The following SIRT4 variants were observed in gnomAD, a reference collection of about 807,000 sequenced individuals.
SIRT4 encodes NAD-dependent protein lipoamidase sirtuin-4, mitochondrial.
A neutral mutation model predicts 26.1 loss-of-function variants in SIRT4; 23 were observed. That is an observed-to-expected ratio of 0.88 (90% confidence interval 0.63 to 1.25). SIRT4 has a LOEUF of 1.25. Among genes scored for constraint, SIRT4 ranks in the 50% most tolerant of loss-of-function variants. The pLI, the probability that SIRT4 is intolerant of heterozygous loss-of-function variation, is 0.00. For missense variants in SIRT4, 361 were observed against 405.4 expected (o/e 0.89, Z 0.94); for synonymous variants, 155 against 158.4 (o/e 0.98, Z 0.16).
At chr12:120,292,682 T>C in the SIRT4 span, among the ~76,000 whole-genome samples, 2 of 146,242 alleles carry the variant, frequency 1.4e-5, no homozygotes, top group African/African-American at 2.6e-5. Context: ...ACCTTAAAAG[T>C]AGAGATCACA....
At chr12:120,291,929 C>G in the SIRT4 span, 2 of 152,132 alleles carry the variant, frequency 1.3e-5, no homozygotes, top group African/African-American at 2.4e-5. Context: ...GCGCCCCGCT[C>G]CCCCACGGAT....
At chr12:120,296,691 G>A in the SIRT4 span, among the ~76,000 whole-genome samples, 5 of 151,194 alleles carry the variant, frequency 3.3e-5, no homozygotes, top group Admixed American at 6.6e-5. Flanking sequence ...TGTATTTTTT[G>A]TAGATACAGG....
At position 120,312,626 on chromosome 12, in the gene SIRT4, G is replaced by A. The variant is rs1873031655; in HGVS notation, c.668G>A (p.Cys223Tyr). ...TTTCAGGTCCCAACCTGCGTTCAAT[G>A]TGGAGGCCATCTGAAACCAGATGTC... The part of the protein sequence containing the change: ...RSFQVPTCVQ[C>Y]GGHLKPDVVF... The change falls in exon 3 of 4, where the codon TGT becomes TAT. Residue 223 changes from cysteine (C) to tyrosine (Y), a missense_variant. Physicochemically the swap from Cys to Tyr is radical, Grantham distance 194. Coordinates refer to ENST00000202967, the MANE Select transcript of SIRT4 (RefSeq NM_012240.3). 8 of 1,614,176 alleles carry A rather than the reference G, an allele frequency of 5.0e-6. No individual in the cohort carries two copies. The highest frequency in any genetic ancestry group is 6.8e-6 in the Non-Finnish European group (8 of 1,180,038).
At chr12:120,304,596 G>A (rs1392498134) in intron 2 of SIRT4, among the ~76,000 whole-genome samples, 1 of 150,576 alleles carries the variant, frequency 6.6e-6, no homozygotes, top group Admixed American at 6.7e-5. Context: ...GCAGTGAGCC[G>A]AGATTGCACC....
chr12:120,302,724 T>C (rs1046005251), intron 1 of SIRT4, among the ~76,000 whole-genome samples: 2 of 150,512 alleles, frequency 1.3e-5, no homozygotes, highest in South Asian at 2.1e-4. Context: ...CTTTTTCTTT[T>C]TTTTTTTTTT....
intron 2 of SIRT4, among the ~76,000 whole-genome samples, chr12:120,310,355 G>C (rs1384969078): frequency 6.6e-6 from 1 of 151,994 alleles, no homozygotes; most frequent in South Asian, 2.1e-4. Flanking sequence ...GACAGAGCAA[G>C]ACCCCGTCTC....
chr12:120,303,748 G>A lies in SIRT4; in HGVS notation c.187G>A (p.Ala63Thr). 1 of 1,614,154 alleles carries A rather than the reference G, an allele frequency of 6.2e-7. No individual in the cohort carries two copies. The highest frequency in any genetic ancestry group is 1.6e-4 in the Middle Eastern group (1 of 6,062). Reference protein sequence around the residue: ...LSKRLLVMTGAGISTESGIPD... With the variant: ...LSKRLLVMTGTGISTESGIPD... Reference sequence around the variant, plus strand: ...CAAGAGACTCCTTGTGATGACTGGGGCAGGAATCTCCACCGAATCGGGGAT... The same window carrying A: ...CAAGAGACTCCTTGTGATGACTGGGACAGGAATCTCCACCGAATCGGGGAT... Residue 63 changes from alanine (A) to threonine (T), a missense_variant, in exon 2 of 4, where the codon GCA becomes ACA. Coordinates refer to ENST00000202967, the MANE Select transcript of SIRT4 (RefSeq NM_012240.3).
chr12:120,295,281 C>G, the SIRT4 span, among the ~76,000 whole-genome samples: 2 of 145,168 alleles, frequency 1.4e-5, no homozygotes, highest in African/African-American at 5.1e-5. Flanking sequence ...AAGGCGCAAT[C>G]TCAGCTCACC....
At chr12:120,305,256 T>TCAC (rs1276380902) in intron 2 of SIRT4, among the ~76,000 whole-genome samples, 7 of 151,708 alleles carry the variant, frequency 4.6e-5, no homozygotes, top group Non-Finnish European at 8.8e-5. Flanking sequence ...TGTGTGTGTG[T>TCAC]GTGTGTGTGT....
chr12:120,305,342 T>C (rs958291312), intron 2 of SIRT4, among the ~76,000 whole-genome samples: 1 of 151,972 alleles, frequency 6.6e-6, no homozygotes, highest in Non-Finnish European at 1.5e-5. Context: ...CCTCAATCTC[T>C]TGGGCTCAAG....
At chr12:120,296,322 A>G in the SIRT4 span, among the ~76,000 whole-genome samples, 1 of 150,826 alleles carries the variant, frequency 6.6e-6, no homozygotes, top group Non-Finnish European at 1.5e-5. Context: ...GGTTCACGCC[A>G]TTCTCCTGCC....
the SIRT4 span, among the ~76,000 whole-genome samples, chr12:120,292,611 G>A: frequency 6.7e-6 from 1 of 149,668 alleles, no homozygotes; most frequent in African/African-American, 2.5e-5. Context: ...GAAAACAACA[G>A]TGCGAGAGAA....
upstream of SIRT4, among the ~76,000 whole-genome samples, chr12:120,302,033 C>CAA (rs34360814): frequency 0.32 from 30,622 of 94,862 alleles, 4,387 homozygotes; most frequent in African/African-American, 0.51. Flanking sequence ...GGAGTTTTTT[C>CAA]AAAAAAAAAA....
the SIRT4 span, among the ~76,000 whole-genome samples, chr12:120,292,628 C>T: frequency 6.6e-6 from 1 of 151,612 alleles, no homozygotes; most frequent in East Asian, 1.9e-4. Flanking sequence ...AGAAAGAAAA[C>T]AGGACAGCCA....
At chr12:120,295,419 A>AATTTTTTTTTT in the SIRT4 span, among the ~76,000 whole-genome samples, 2 of 81,348 alleles carry the variant, frequency 2.5e-5, 1 homozygote, top group Non-Finnish European at 5.2e-5. Flanking sequence ...TATATAGATA[A>AATTTTTTTTTT]TTTTTTTTTT....
the SIRT4 span, chr12:120,291,787 G>A: frequency 2.0e-5 from 3 of 152,104 alleles, no homozygotes; most frequent in African/African-American, 2.4e-5. Flanking sequence ...GTCAAAAATT[G>A]CCAATGCCGA....
upstream of SIRT4, among the ~76,000 whole-genome samples, chr12:120,297,341 A>G (rs1433350827): frequency 8.1e-6 from 1 of 123,456 alleles, no homozygotes; most frequent in Non-Finnish European, 1.7e-5. Context: ...AAAAAAAAAA[A>G]GAGAGAGAGA....
In SIRT4 at chr12:120,304,149, C is replaced by G. The variant is rs1329478750; in HGVS notation, c.497+91C>G. ...CTGTCTTGATCACCACAGTCTTAGA[C>G]CTTGAGAAAAGGATTTCAGAGCAAG... On this transcript the variant is annotated intron_variant, in intron 2 of 3. Transcript: ENST00000202967. 3 of 1,470,734 alleles carry G rather than the reference C, an allele frequency of 2.0e-6. No individual in the cohort carries two copies. The African/African-American group carries it at 4.2e-5, about 21-fold the overall frequency. The allele number at this position is 1,470,734 out of a possible 1,614,324, so 91.1% of individuals were successfully genotyped here. A position where few individuals can be genotyped will look rare whatever the true frequency, so the allele number is the denominator to read the frequency against.
At chr12:120,305,245 G>A (rs1020110269) in intron 2 of SIRT4, among the ~76,000 whole-genome samples, 2 of 5,006 alleles carry the variant, frequency 4.0e-4, no homozygotes, top group Non-Finnish European at 9.5e-4. Flanking sequence ...GTGTGCACGT[G>A]TGTGTGTGTG....
Sources: allele counts gnomAD v4.1 joint callset (sites outside exome capture counted in the v4.1 genomes callset), GRCh38; gene constraint gnomAD v4.1.1; transcripts MANE v1.5; gene names NCBI Gene and HGNC (gene_info 2026-07-23, HGNC 2026-07-21).